Variants in ASAP2 observed in about 807,000 individuals in gnomAD.
ASAP2 encodes the protein ArfGAP with SH3 domain, ankyrin repeat and PH domain 2, also known as arf-GAP with SH3 domain, ANK repeat and PH domain-containing protein 2.
In ASAP2, 45 loss-of-function variants were observed where a neutral mutation model predicts 131.4. The ratio of observed to expected loss-of-function variants is 0.34; its 90% CI spans 0.27 to 0.44. The LOEUF (loss-of-function observed/expected upper bound fraction) is 0.44. Ranked by LOEUF, ASAP2 falls within the 20% of genes least tolerant of loss-of-function variation. The pLI is 1.00. For missense variants in ASAP2, 1,011 were observed against 1,297.0 expected, an observed-to-expected ratio of 0.78 and a Z score of 3.39; for synonymous variants, 510 against 503.0, an observed-to-expected ratio of 1.01 and a Z score of -0.19.
chr2:9,400,145 A>T, intron 25 of ASAP2, 73 bp downstream of exon 25: 1 of 1,364,224 alleles, frequency 7.3e-7, no homozygotes. Context: ...GTTTCCTGCC[A>T]GGTGGTCAGG....
intron 3 of ASAP2, among the ~76,000 whole-genome samples, chr2:9,315,084 G>A (rs376570439): frequency 6.6e-6 from 1 of 152,162 alleles, no homozygotes; most frequent in South Asian, 2.1e-4. Flanking sequence ...CGTTTCCGTC[G>A]AATAGAACAA....
chr2:9,302,282 T>C (rs1369003371), intron 3 of ASAP2, among the ~76,000 whole-genome samples: 1 of 150,112 alleles, frequency 6.7e-6, no homozygotes, highest in Non-Finnish European at 1.5e-5. Context: ...AAGCGATCCT[T>C]CTGCCTCAGC....
intron 9 of ASAP2, among the ~76,000 whole-genome samples, chr2:9,341,619 C>T (rs1558347370): frequency 6.6e-6 from 1 of 152,164 alleles, no homozygotes; most frequent in Non-Finnish European, 1.5e-5. Context: ...TCCCCCAAAT[C>T]AATAGACGTA....
intron 1 of ASAP2, among the ~76,000 whole-genome samples, chr2:9,279,059 T>C (rs368227351): frequency 3.3e-5 from 5 of 150,126 alleles, no homozygotes; most frequent in African/African-American, 1.2e-4. Context: ...GCTTGCATGC[T>C]GCAGGAGGAG....
chr2:9,218,869 G>A (rs927416041), intron 1 of ASAP2, among the ~76,000 whole-genome samples: 1 of 152,152 alleles, frequency 6.6e-6, no homozygotes, highest in African/African-American at 2.4e-5. Context: ...AGAGCTAAGA[G>A]TGAACGTTAC....
rs566434499 is a variant in ASAP2 at position 9,317,395 on chromosome 2, C to T, written c.346-1129C>T. 7.3e-5 allele frequency among the ~76,000 whole-genome samples: 11 copies of T among 150,540 alleles called. No individual in the cohort carries two copies. In the South Asian group the frequency reaches 2.1e-3, roughly 29 times the overall value. ...CCCCCAACTCACATCCACACACACA[C>T]CCTCAAACACACACATGCTCCCTCA... On this transcript the variant is annotated intron_variant, in intron 3 of 27. Coordinates refer to ENST00000281419, the MANE Select transcript of ASAP2 (RefSeq NM_003887.3).
intron 3 of ASAP2, among the ~76,000 whole-genome samples, chr2:9,317,573 C>T (rs920362756): frequency 1.1e-4 from 16 of 151,114 alleles, no homozygotes; most frequent in Non-Finnish European, 2.2e-4. Context: ...CTCTCACACA[C>T]CCACACACCC....
chr2:9,228,781 G>A (rs115997527), intron 1 of ASAP2, among the ~76,000 whole-genome samples: 1,851 of 152,308 alleles, frequency 0.012, 27 homozygotes, highest in African/African-American at 0.042. Flanking sequence ...ATATGTAAAT[G>A]TATGCTGCTC....
chr2:9,286,447 A>AAATAT (rs58605449), intron 2 of ASAP2, among the ~76,000 whole-genome samples: 1 of 148,414 alleles, frequency 6.7e-6, no homozygotes, highest in African/African-American at 2.5e-5. Flanking sequence ...GAAAAAAAAA[A>AAATAT]ATATATATAT....
intron 1 of ASAP2, among the ~76,000 whole-genome samples, chr2:9,242,446 C>G (rs1433603191): frequency 6.6e-6 from 1 of 152,204 alleles, no homozygotes; most frequent in African/African-American, 2.4e-5. Context: ...GAATTGGATG[C>G]TACAAACTGT....
At chr2:9,400,998 C>T (rs1401018079) in intron 26 of ASAP2, among the ~76,000 whole-genome samples, 168 bp downstream of exon 26, 1 of 152,118 alleles carries the variant, frequency 6.6e-6, no homozygotes, top group East Asian at 1.9e-4. Flanking sequence ...GGGTTTGGCC[C>T]TCCTGCCGCA....
At chr2:9,347,814 A>G (rs956692501) in intron 11 of ASAP2, among the ~76,000 whole-genome samples, 2 of 152,234 alleles carry the variant, frequency 1.3e-5, no homozygotes, top group Non-Finnish European at 2.9e-5. Flanking sequence ...AGGAATGTCC[A>G]CTGGCTCTTA....
chr2:9,234,110 CAAAA>C (rs70948810), intron 1 of ASAP2, among the ~76,000 whole-genome samples: 7 of 76,576 alleles, frequency 9.1e-5, no homozygotes, highest in Non-Finnish European at 1.3e-4. Context: ...AGCTATGTCT[CAAAA>C]AAAAAAAAAA....
chr2:9,301,510 C>A (rs1032754047), intron 3 of ASAP2, among the ~76,000 whole-genome samples: 1 of 152,186 alleles, frequency 6.6e-6, no homozygotes, highest in Non-Finnish European at 1.5e-5. Flanking sequence ...ACTCCAAGGG[C>A]CACCTCTGTG....
intron 3 of ASAP2, among the ~76,000 whole-genome samples, chr2:9,299,971 G>A (rs965280626): frequency 1.3e-5 from 2 of 152,176 alleles, no homozygotes; most frequent in African/African-American, 4.8e-5. Flanking sequence ...TGGCTCACAT[G>A]TGTCATCCCA....
chr2:9,336,798 G>A (rs911626114), intron 9 of ASAP2, among the ~76,000 whole-genome samples: 9 of 152,208 alleles, frequency 5.9e-5, no homozygotes, highest in East Asian at 5.8e-4. Flanking sequence ...GAGGTAGTGC[G>A]AGGGCAGGAG....
At position 9,298,149 on chromosome 2, in the gene ASAP2, T is replaced by C. The variant is rs187642127; in HGVS notation, c.345+704T>C. ...TGGGATCGCTCCAGCTTTTCTTTCC[T>C]GTTTTTCTTCTCCAGTTTCTCCTAA... On this transcript the variant is annotated intron_variant, in intron 3 of 27. Coordinates refer to ENST00000281419, the MANE Select transcript of ASAP2 (RefSeq NM_003887.3). Among the ~76,000 whole-genome samples the C allele has an allele frequency of 3.9e-5, 6 of 152,350 alleles. No individual in the cohort carries two copies. In the East Asian group the frequency reaches 1.2e-3, roughly 29 times the overall value.
intron 15 of ASAP2, among the ~76,000 whole-genome samples, chr2:9,366,769 G>A (rs1572558514): frequency 6.6e-6 from 1 of 152,144 alleles, no homozygotes; most frequent in East Asian, 1.9e-4. Flanking sequence ...CAAGGGCCGG[G>A]TTGAATTAGG....
At chr2:9,384,723 T>G (rs1254634778) in intron 20 of ASAP2, among the ~76,000 whole-genome samples, 1 of 152,242 alleles carries the variant, frequency 6.6e-6, no homozygotes, top group Non-Finnish European at 1.5e-5. Context: ...ATGCCCTCCC[T>G]GGGTGCCACC....
Sources: gnomAD v4.1 joint callset for allele counts (sites outside exome capture counted in the v4.1 genomes callset) on GRCh38, gnomAD v4.1.1 for gene constraint, MANE v1.5 for transcripts, NCBI Gene and HGNC (gene_info 2026-07-23, HGNC 2026-07-21) for gene names.